Variants in SLC5A1 observed in about 807,000 individuals in gnomAD.
SLC5A1 encodes solute carrier family 5 member 1, also known as sodium/glucose cotransporter 1.
SLC5A1 carries 42 observed loss-of-function variants against 73.5 expected under a neutral mutation model. That is an observed-to-expected ratio of 0.57 (90% CI 0.45 to 0.74). SLC5A1 has a LOEUF of 0.74. Ranked by LOEUF, SLC5A1 falls within the 30% of genes least tolerant of loss-of-function variation. The pLI is 0.00. For synonymous variants in SLC5A1, 300 were observed against 317.4 expected (o/e 0.95, Z 0.58); for missense variants, 634 against 855.4 (o/e 0.74, Z 3.23).
intron 2 of SLC5A1, among the ~76,000 whole-genome samples, chr22:32,060,001 G>C (rs1367056541): frequency 6.8e-6 from 1 of 146,998 alleles, no homozygotes; most frequent in Non-Finnish European, 1.5e-5. Context: ...GGGCAGCACA[G>C]GGGCCATGGT....
intron 14 of SLC5A1, among the ~76,000 whole-genome samples, chr22:32,107,366 G>A (rs147346191): frequency 6.6e-5 from 10 of 152,292 alleles, no homozygotes; most frequent in African/African-American, 1.9e-4. Context: ...GAATTCATCC[G>A]ATTTTAACTC....
intron 14 of SLC5A1, among the ~76,000 whole-genome samples, chr22:32,107,994 C>T (rs1362851262): frequency 6.6e-6 from 1 of 152,118 alleles, no homozygotes; most frequent in Non-Finnish European, 1.5e-5. Context: ...TTTAGTGATT[C>T]ATTTCAGCAA....
intron 2 of SLC5A1, among the ~76,000 whole-genome samples, chr22:32,050,442 A>G (rs1416369601): frequency 6.6e-6 from 1 of 152,176 alleles, no homozygotes; most frequent in East Asian, 1.9e-4. Flanking sequence ...CTTCTGGAAG[A>G]AGGAACAACT....
chr22:32,051,674 C>A lies in SLC5A1; in HGVS notation c.207+1660C>A, dbSNP rs1300732174. On this transcript the variant is annotated intron_variant, in intron 2 of 14. Coordinates refer to ENST00000266088, the MANE Select transcript of SLC5A1 (RefSeq NM_000343.4). ...CTGTTTCAAACAACAACAACAACAACAAAAACCCCAAAAAACAAAAACAAC... is the reference window on the plus strand; with the variant it reads ...CTGTTTCAAACAACAACAACAACAAAAAAAACCCCAAAAAACAAAAACAAC... Among the ~76,000 whole-genome samples the A allele has an allele frequency of 3.3e-5, 5 of 152,116 alleles. No individual in the cohort carries two copies. The East Asian group carries it at 7.7e-4, about 23-fold the overall frequency.
intron 8 of SLC5A1, 46 bp from the exon 9 acceptor site, chr22:32,084,854 A>G (rs2094005506): frequency 1.2e-6 from 2 of 1,612,386 alleles, no homozygotes; most frequent in African/African-American, 2.7e-5. Flanking sequence ...AAGGTGTCAC[A>G]GGGTCTCTGG....
chr22:32,092,178 A>AT, intron 11 of SLC5A1, among the ~76,000 whole-genome samples: 1 of 152,112 alleles, frequency 6.6e-6, no homozygotes, highest in East Asian at 1.9e-4. Context: ...GCTCCCACTT[A>AT]TAAGTGAGAA....
rs1375728507 is a variant in SLC5A1, at chr22:32,101,931, T to C, written c.1450-91T>C. ...CTACCACTTCTCCTACCTCTGTTCC[T>C]TTGCCTCTGCCTATGCCTCTCCAAA... On this transcript the variant is annotated intron_variant, in intron 12 of 14. Coordinates refer to ENST00000266088, the MANE Select transcript of SLC5A1 (RefSeq NM_000343.4). 6 of 984,822 alleles carry C rather than the reference T, an allele frequency of 6.1e-6. No individual in the cohort carries two copies. The East Asian group carries it at 1.5e-4, about 24-fold the overall frequency. The allele number at this position is 984,822 out of a possible 1,614,324, so 61.0% of individuals were successfully genotyped here.
At chr22:32,076,293 T>C (rs545932033) in intron 5 of SLC5A1, among the ~76,000 whole-genome samples, 17 of 152,250 alleles carry the variant, frequency 1.1e-4, no homozygotes, top group Non-Finnish European at 2.4e-4. Context: ...GACTCAGAAC[T>C]GATTGTCCTT....
Position 32,083,068 on chromosome 22 carries a change from G to A in SLC5A1, c.584-6G>A, listed in dbSNP as rs200525887. 3.2e-4 allele frequency: 517 copies of A among 1,613,976 alleles called. 1 individual carries two copies. The highest frequency in any genetic ancestry group is 4.2e-4 in the Non-Finnish European group (494 of 1,179,940). ...GGTCAGATGTGTTGTCTTCTTGCCT[G>A]CTTAGGGGGCCTGGCGGCGGTGATT... On this transcript the variant is annotated splice_polypyrimidine_tract_variant and splice_region_variant and intron_variant, in intron 6 of 14. Coordinates refer to ENST00000266088, the MANE Select transcript of SLC5A1 (RefSeq NM_000343.4).
At chr22:32,060,104 T>TAC (rs770277032) in intron 2 of SLC5A1, among the ~76,000 whole-genome samples, 2 of 144,968 alleles carry the variant, frequency 1.4e-5, no homozygotes, top group East Asian at 2.0e-4. Flanking sequence ...CACATATATA[T>TAC]ACACACACAT....
chr22:32,071,945 A>G (rs1225652896), intron 5 of SLC5A1, among the ~76,000 whole-genome samples: 3 of 152,230 alleles, frequency 2.0e-5, no homozygotes, highest in Non-Finnish European at 2.9e-5. Flanking sequence ...ATAGAATAGG[A>G]TAACAAGCAC....
chr22:32,050,787 C>T (rs1453899766), intron 2 of SLC5A1, among the ~76,000 whole-genome samples: 3 of 152,208 alleles, frequency 2.0e-5, no homozygotes, highest in Non-Finnish European at 2.9e-5. Context: ...GAAGAGTCAG[C>T]TTACATAGGG....
At chr22:32,061,184 G>A (rs1470055530) in intron 2 of SLC5A1, among the ~76,000 whole-genome samples, 1 of 152,202 alleles carries the variant, frequency 6.6e-6, no homozygotes, top group African/African-American at 2.4e-5. Context: ...AGGACTTTGG[G>A]AGGCTGAGGC....
intron 2 of SLC5A1, among the ~76,000 whole-genome samples, chr22:32,058,382 A>G (rs1201932951): frequency 1.3e-5 from 2 of 152,228 alleles, no homozygotes; most frequent in Non-Finnish European, 2.9e-5. Context: ...AAATTCTATC[A>G]TAAATATGAA....
intron 2 of SLC5A1, among the ~76,000 whole-genome samples, chr22:32,063,530 A>C (rs780506218): frequency 5.9e-5 from 9 of 152,144 alleles, no homozygotes; most frequent in Non-Finnish European, 1.5e-5. Context: ...ACCTTGCTAT[A>C]TTCCTAAGAC....
intron 8 of SLC5A1, 95 bp downstream of exon 8, chr22:32,084,754 G>T (rs2094005373): frequency 6.7e-7 from 1 of 1,498,960 alleles, no homozygotes; most frequent in East Asian, 2.3e-5. Flanking sequence ...GGACAGGGAG[G>T]GGAGAGCTCA....
intron 9 of SLC5A1, among the ~76,000 whole-genome samples, 166 bp downstream of exon 9, chr22:32,085,201 C>A (rs2094006177): frequency 1.3e-5 from 2 of 152,066 alleles, no homozygotes; most frequent in African/African-American, 4.8e-5. Flanking sequence ...CTGCAGTCTC[C>A]AACTCTAACT....
rs182761439 is a variant in SLC5A1 at position 32,087,947 on chromosome 22, G to A, written c.1129+1620G>A. ...CTTAACGCTGCTCAAGGCTGGAATTGAGGAATTCGGGAGAGTCTTTTAAAA... is the reference window on the plus strand; with the variant it reads ...CTTAACGCTGCTCAAGGCTGGAATTAAGGAATTCGGGAGAGTCTTTTAAAA... On this transcript the variant is annotated intron_variant, in intron 10 of 14. Transcript: ENST00000266088. Among the ~76,000 whole-genome samples, 23 of 152,312 alleles carry A rather than the reference G, an allele frequency of 1.5e-4. No individual in the cohort carries two copies. In the East Asian group the frequency reaches 4.4e-3, roughly 29 times the overall value.
chr22:32,085,101 T>C, intron 9 of SLC5A1, 66 bp downstream of exon 9: 1 of 1,586,808 alleles, frequency 6.3e-7, no homozygotes, highest in Non-Finnish European at 8.7e-7. Flanking sequence ...CTTCTAAAGC[T>C]CTATAGCTTC....
Sources: gnomAD v4.1 joint callset for allele counts (sites outside exome capture counted in the v4.1 genomes callset) on GRCh38, gnomAD v4.1.1 for gene constraint, MANE v1.5 for transcripts, NCBI Gene and HGNC (gene_info 2026-07-23, HGNC 2026-07-21) for gene names.